Variants in NUBP1 observed in about 807,000 individuals in gnomAD.
NUBP1 encodes cytosolic Fe-S cluster assembly factor NUBP1.
NUBP1 carries 46 observed loss-of-function variants against 41.8 expected under a neutral mutation model. The ratio of observed to expected loss-of-function variants is 1.10; its 90% CI spans 0.87 to 1.41. NUBP1 has a LOEUF of 1.41. Among genes scored for constraint, NUBP1 ranks in the 40% most tolerant of loss-of-function variants. The pLI is 0.00. For synonymous variants in NUBP1, 189 were observed against 154.6 expected (o/e 1.22, Z -1.65); for missense variants, 494 against 414.0 (o/e 1.19, Z -1.68).
Position 10,767,853 on chromosome 16 carries a change from TTC to T in NUBP1, c.821-95_821-94del. ...TTACGAGTGAAGCGGGCTCAAGATC[TTC>T]CCATTGTCACCAGCACGGAAAGAGC... On this transcript the variant is annotated intron_variant, in intron 9 of 10. Coordinates refer to ENST00000283027, the MANE Select transcript of NUBP1 (RefSeq NM_002484.4). This position sits in a 1 kb window ranked among gnomAD's most constrained non-coding sequence, Gnocchi z 4.6. 8.7e-7 allele frequency: 1 copy of T among 1,146,426 alleles called. No individual in the cohort carries two copies. Among genetic ancestry groups the T allele is most frequent in the Non-Finnish European group, 1.3e-6 (1 of 761,456 alleles). The allele number at this position is 1,146,426 out of a possible 1,614,324, so 71.0% of individuals were successfully genotyped here. A position where few individuals can be genotyped will look rare whatever the true frequency, so the allele number is the denominator to read the frequency against.
intron 4 of NUBP1, among the ~76,000 whole-genome samples, chr16:10,753,914 G>C (rs773519215): frequency 1.4e-4 from 21 of 152,146 alleles, no homozygotes; most frequent in African/African-American, 4.6e-4. Context: ...AGATGGGGCC[G>C]GCCTTGCAGG....
chr16:10,767,865 C>T lies in NUBP1; in HGVS notation c.821-84C>T, dbSNP rs1165928976. On this transcript the variant is annotated intron_variant, in intron 9 of 10. Coordinates refer to ENST00000283027, the MANE Select transcript of NUBP1 (RefSeq NM_002484.4). The surrounding 1 kb of genome is among the most constrained non-coding windows in gnomAD (Gnocchi z 4.6). ...CGGGCTCAAGATCTTCCCATTGTCA[C>T]CAGCACGGAAAGAGCCCCAAGATCT... is the stretch of plus-strand genomic sequence containing the variant. 19 of 1,267,006 alleles carry T rather than the reference C, an allele frequency of 1.5e-5. No individual in the cohort carries two copies. In the South Asian group the frequency reaches 2.2e-4, roughly 14 times the overall value. The allele number at this position is 1,267,006 out of a possible 1,614,324, so 78.5% of individuals were successfully genotyped here.
chr16:10,744,141 C>A, intron 2 of NUBP1, 76 bp downstream of exon 2: 1 of 599,448 alleles, frequency 1.7e-6, no homozygotes, highest in Non-Finnish European at 2.4e-6. Flanking sequence ...AGGGAGGGGG[C>A]GGGATCTGCA....
Position 10,755,707 on chromosome 16 carries a change from TCATG to T in NUBP1, c.328-13_328-10del. 6.2e-7 allele frequency: 1 copy of T among 1,613,444 alleles called. No homozygotes were observed. The highest frequency in any genetic ancestry group is 1.3e-5 in the African/African-American group (1 of 75,062). On this transcript the variant is annotated splice_polypyrimidine_tract_variant and intron_variant, in intron 4 of 10. Coordinates refer to ENST00000283027, the MANE Select transcript of NUBP1 (RefSeq NM_002484.4). ...GATTTCTACTAATGAACATCGGTGC[TCATG>T]TTCACACAGGTTCACCAGAGTGGCT... is the stretch of plus-strand genomic sequence containing the variant.
Position 10,765,124 on chromosome 16 carries a change from C to T in NUBP1, c.821-2825C>T, listed in dbSNP as rs1204694041. On this transcript the variant is annotated intron_variant, in intron 9 of 10. Coordinates refer to ENST00000283027, the MANE Select transcript of NUBP1 (RefSeq NM_002484.4). The surrounding 1 kb of genome is among the most constrained non-coding windows in gnomAD (Gnocchi z 4.0). The stretch of plus-strand genomic sequence containing the variant: ...GGTGGTGGATTTTGGAGCATGGCAG[C>T]TGCTGCCAGAGATCCAAGAGGTGTG... 1 of 153,518 alleles carries T rather than the reference C, an allele frequency of 6.5e-6. No homozygotes were observed. Among genetic ancestry groups the T allele is most frequent in the East Asian group, 1.9e-4 (1 of 5,206 alleles). The allele number at this position is 153,518 out of a possible 1,614,324, so 9.5% of individuals were successfully genotyped here. A position where few individuals can be genotyped will look rare whatever the true frequency, so the allele number is the denominator to read the frequency against.
chr16:10,751,003 G>A (rs1357678273), intron 3 of NUBP1, among the ~76,000 whole-genome samples: 1 of 152,146 alleles, frequency 6.6e-6, no homozygotes, highest in Non-Finnish European at 1.5e-5. Flanking sequence ...CAGATTTTGG[G>A]GTAGTAATAA....
Position 10,769,333 on chromosome 16 carries a change from TA to T in NUBP1, c.*232del. 2.2e-6 allele frequency: 1 copy of T among 464,932 alleles called. No individual in the cohort carries two copies. The highest frequency in any genetic ancestry group is 2.0e-5 in the African/African-American group (1 of 49,766). 28.8% of individuals were successfully genotyped at this position (464,932 alleles called of 1,614,324 possible). A position where few individuals can be genotyped will look rare whatever the true frequency, so the allele number is the denominator to read the frequency against. ...CTCTACAAATGTGCCGTTTTAAGAA[TA>T]AAACCCCCTCAAATCTCTCCCCCGA... On this transcript the variant is annotated 3_prime_UTR_variant, in exon 11 of 11. Transcript: ENST00000283027.
At chr16:10,761,908 C>T in intron 9 of NUBP1, 49 bp downstream of exon 9, 1 of 1,458,140 alleles carries the variant, frequency 6.9e-7, no homozygotes. Flanking sequence ...GTCAGCCCCA[C>T]AGGCACGGGT....
At chr16:10,750,180 AGAGT>A (rs1900255775) in intron 3 of NUBP1, among the ~76,000 whole-genome samples, 1 of 152,232 alleles carries the variant, frequency 6.6e-6, no homozygotes, top group South Asian at 2.1e-4. Flanking sequence ...CCTGGGCAAC[AGAGT>A]GAGACTCTAC....
rs2030835005 is a variant in NUBP1, at chr16:10,766,095, T to C, written c.821-1854T>C. 1 of 152,378 alleles carries C rather than the reference T, an allele frequency of 6.6e-6. No individual in the cohort carries two copies. The highest frequency in any genetic ancestry group is 1.5e-5 in the Non-Finnish European group (1 of 68,194). 9.4% of individuals were successfully genotyped at this position (152,378 alleles called of 1,614,324 possible). A position where few individuals can be genotyped will look rare whatever the true frequency, so the allele number is the denominator to read the frequency against. On this transcript the variant is annotated intron_variant, in intron 9 of 10. Transcript: ENST00000283027. The surrounding 1 kb of genome is among the most constrained non-coding windows in gnomAD (Gnocchi z 4.8). ...AGCACTTCAGTCTCCTCTGGGGACA[T>C]GGTGGCAAAGAGTTACAGATGCCAG...
At chr16:10,752,272 C>T (rs1420193997) in intron 3 of NUBP1, among the ~76,000 whole-genome samples, 1 of 152,196 alleles carries the variant, frequency 6.6e-6, no homozygotes, top group East Asian at 1.9e-4. Flanking sequence ...GTCACACAAG[C>T]CAAACAGGCG....
intron 5 of NUBP1, 62 bp from the exon 6 acceptor site, chr16:10,756,628 G>A (rs1002877679): frequency 1.0e-5 from 13 of 1,249,024 alleles, no homozygotes; most frequent in Non-Finnish European, 1.3e-5. Flanking sequence ...AGACCTGGGG[G>A]AGGGCCTCAC....
Position 10,759,707 on chromosome 16 carries a change from C to G in NUBP1, c.607-1657C>G, listed in dbSNP as rs1450899522. ...GGGAGAAGTGCTTGAATCCAGGAGA[C>G]AGAGGTTGCAGTGAGCCGAGATCGC... On this transcript the variant is annotated intron_variant, in intron 7 of 10. Transcript: ENST00000283027. This position sits in a 1 kb window ranked among gnomAD's most constrained non-coding sequence, Gnocchi z 4.7. Among the ~76,000 whole-genome samples, 1 of 152,120 alleles carries G rather than the reference C, an allele frequency of 6.6e-6. No homozygotes were observed. The highest frequency in any genetic ancestry group is 2.4e-5 in the African/African-American group (1 of 41,424).
rs1437363094 is a variant in NUBP1, at chr16:10,765,787, CACCAGTG to C, written c.821-2159_821-2153del. Among the ~76,000 whole-genome samples, 1 of 152,218 alleles carries C rather than the reference CACCAGTG, an allele frequency of 6.6e-6. No homozygotes were observed. The highest frequency in any genetic ancestry group is 2.4e-5 in the African/African-American group (1 of 41,446). ...AGAGCTAATTTCAAAGCAGAGGAGC[CACCAGTG>C]ACAGCTGCGAGGCTCATTCTGAGCT... On this transcript the variant is annotated intron_variant, in intron 9 of 10. Transcript: ENST00000283027. The surrounding 1 kb of genome is among the most constrained non-coding windows in gnomAD (Gnocchi z 4.0).
At position 10,766,922 on chromosome 16, in the gene NUBP1, G is replaced by C. The variant is rs2030968394; in HGVS notation, c.821-1027G>C. ...AGTGCGAATTGGCCTTATGTTCCCT[G>C]CCTCTGGACCCTATTTTCCTGACTC... is the stretch of plus-strand genomic sequence containing the variant. On this transcript the variant is annotated intron_variant, in intron 9 of 10. Coordinates refer to ENST00000283027, the MANE Select transcript of NUBP1 (RefSeq NM_002484.4). This position sits in a 1 kb window ranked among gnomAD's most constrained non-coding sequence, Gnocchi z 4.8. 4.5e-5 allele frequency: 18 copies of C among 398,498 alleles called. No individual in the cohort carries two copies. Among genetic ancestry groups the C allele is most frequent in the Non-Finnish European group, 2.7e-5 (6 of 226,072 alleles). The allele number at this position is 398,498 out of a possible 1,614,324, so 24.7% of individuals were successfully genotyped here.
rs16957624 is a variant in NUBP1 at position 10,759,322 on chromosome 16, T to C, written c.606+1295T>C. On this transcript the variant is annotated intron_variant, in intron 7 of 10. Transcript: ENST00000283027. The surrounding 1 kb of genome is among the most constrained non-coding windows in gnomAD (Gnocchi z 4.7). ...GGGTCAGAAAATGGTGCAAGATTCATGTCCACCCTGGCATCCTGCAGAGAG... is the reference window on the plus strand; with the variant it reads ...GGGTCAGAAAATGGTGCAAGATTCACGTCCACCCTGGCATCCTGCAGAGAG... Among the ~76,000 whole-genome samples, 4,723 of 152,268 alleles carry C rather than the reference T, an allele frequency of 0.031. 258 individuals carry two copies. Among genetic ancestry groups the C allele is most frequent in the African/African-American group, 0.11 (4,396 of 41,540 alleles).
intron 3 of NUBP1, 131 bp from the exon 4 acceptor site, chr16:10,752,479 G>A: frequency 1.5e-6 from 1 of 687,028 alleles, no homozygotes; most frequent in Non-Finnish European, 2.6e-6. Flanking sequence ...AGAATCTGAT[G>A]GCTCCAAGTT....
chr16:10,761,835 A>G lies in NUBP1; in HGVS notation c.796A>G (p.Arg266Gly). 2 of 1,614,090 alleles carry G rather than the reference A, an allele frequency of 1.2e-6. No individual in the cohort carries two copies. The highest frequency in any genetic ancestry group is 2.2e-5 in the East Asian group (1 of 44,872). The change falls in exon 9 of 11, where the codon AGA becomes GGA. Residue 266 changes from arginine to glycine, a missense_variant. Physicochemically the swap from Arg to Gly is moderately radical, Grantham distance 125. Transcript: ENST00000283027. ...CQDLEVPLLG[R>G]VPLDPLIGKN... ...GGACTTGGAGGTCCCTCTCCTCGGC[A>G]GAGTGCCCCTGGATCCGCTCATAGG...
At chr16:10,760,406 C>T (rs777907910) in intron 7 of NUBP1, among the ~76,000 whole-genome samples, 8 of 152,184 alleles carry the variant, frequency 5.3e-5, no homozygotes, top group Admixed American at 1.3e-4. Context: ...CACACACTGG[C>T]TTAATATAGT....
Sources: gnomAD v4.1 joint callset for allele counts (sites outside exome capture counted in the v4.1 genomes callset) on GRCh38, gnomAD v4.1.1 for gene constraint, Gnocchi (gnomAD v3.1) non-coding constraint, MANE v1.5 for transcripts, NCBI Gene and HGNC (gene_info 2026-07-23, HGNC 2026-07-21) for gene names.